Variants in ADGRE5 observed in about 807,000 individuals in gnomAD.
The protein encoded by ADGRE5 is CD97 molecule.
In ADGRE5, 72 loss-of-function variants were observed where a neutral mutation model predicts 100.3. The ratio of observed to expected loss-of-function variants is 0.72; its 90% CI spans 0.59 to 0.87. The LOEUF (loss-of-function observed/expected upper bound fraction) is 0.87. Among genes scored for constraint, ADGRE5 ranks in the 40% least tolerant of loss-of-function variants. The pLI is 0.00. For missense variants in ADGRE5, 959 were observed against 1,094.7 expected, an observed-to-expected ratio of 0.88 and a Z score of 1.75; for synonymous variants, 439 against 447.8, an observed-to-expected ratio of 0.98 and a Z score of 0.25.
chr19:14,397,255 C>T (rs935520236), intron 6 of ADGRE5, 32 bp downstream of exon 6: 1 of 1,613,816 alleles, frequency 6.2e-7, no homozygotes, highest in East Asian at 2.2e-5. Context: ...TTTCTAGCGA[C>T]CCACAAACAT....
In ADGRE5 at chr19:14,406,636, G is replaced by C; in HGVS notation, c.2049-64G>C. On this transcript the variant is annotated intron_variant, in intron 15 of 19. Coordinates refer to ENST00000242786, the MANE Select transcript of ADGRE5 (RefSeq NM_078481.4). The surrounding 1 kb of genome is among the most constrained non-coding windows in gnomAD (Gnocchi z 6.0). Reference sequence around the variant, plus strand: ...ACAGGCAGTGCCACACACAATGTCCGGCCGCCCTCCGTTCCGCTCCTGGCT... The same window carrying C: ...ACAGGCAGTGCCACACACAATGTCCCGCCGCCCTCCGTTCCGCTCCTGGCT... 6.2e-7 allele frequency: 1 copy of C among 1,603,654 alleles called. No homozygotes were observed.
chr19:14,406,249 G>A lies in ADGRE5; in HGVS notation c.1822-82G>A. The stretch of plus-strand genomic sequence containing the variant: ...CCGGCTGTGGTCCCGCCCACTCTCG[G>A]GACCTGGCAGGCGACTGGCTCTGGC... On this transcript the variant is annotated intron_variant, in intron 14 of 19. Coordinates refer to ENST00000242786, the MANE Select transcript of ADGRE5 (RefSeq NM_078481.4). This position sits in a 1 kb window ranked among gnomAD's most constrained non-coding sequence, Gnocchi z 6.0. The A allele has an allele frequency of 8.7e-7, 1 of 1,148,272 alleles. No individual in the cohort carries two copies. The allele number at this position is 1,148,272 out of a possible 1,614,324, so 71.1% of individuals were successfully genotyped here. A position where few individuals can be genotyped will look rare whatever the true frequency, so the allele number is the denominator to read the frequency against.
intron 4 of ADGRE5, among the ~76,000 whole-genome samples, chr19:14,395,301 C>CAA (rs5827226): frequency 5.2e-5 from 7 of 135,668 alleles, no homozygotes; most frequent in Non-Finnish European, 6.3e-5. Context: ...ACGCTGTCTC[C>CAA]AAAAAAAAAA....
chr19:14,405,065 A>G (rs113047204), intron 13 of ADGRE5: 6,574 of 158,460 alleles, frequency 0.041, 482 homozygotes, highest in African/African-American at 0.15. Context: ...GGCTAGTCTC[A>G]AACTCCTGAC....
intron 18 of ADGRE5, among the ~76,000 whole-genome samples, 186 bp from the exon 19 acceptor site, chr19:14,407,722 G>T (rs1976329726): frequency 6.6e-6 from 1 of 151,854 alleles, no homozygotes; most frequent in South Asian, 2.1e-4. Flanking sequence ...TTGGGCCCAG[G>T]AGTTCAAGGT....
chr19:14,384,928 G>C (rs1349888146), intron 1 of ADGRE5, among the ~76,000 whole-genome samples: 2 of 138,182 alleles, frequency 1.4e-5, no homozygotes, highest in Admixed American at 7.3e-5. Context: ...CTCTGTCTCC[G>C]TCTCTGTCCC....
At chr19:14,404,110 C>T (rs984453216) in intron 12 of ADGRE5, among the ~76,000 whole-genome samples, 1 of 152,012 alleles carries the variant, frequency 6.6e-6, no homozygotes, top group Non-Finnish European at 1.5e-5. Context: ...AACTCCTGAC[C>T]TCAGGTGATC....
intron 4 of ADGRE5, among the ~76,000 whole-genome samples, chr19:14,395,501 T>C (rs542642538): frequency 2.0e-5 from 3 of 152,162 alleles, no homozygotes; most frequent in East Asian, 1.9e-4. Context: ...CACAGGTCTC[T>C]GTCCCTGGTG....
At chr19:14,398,654 G>A (rs866997924) in intron 9 of ADGRE5, among the ~76,000 whole-genome samples, 1 of 127,404 alleles carries the variant, frequency 7.8e-6, no homozygotes, top group Non-Finnish European at 1.6e-5. Flanking sequence ...CAGCCTGGGC[G>A]ACAGAGCCAG....
chr19:14,402,610 G>A lies in ADGRE5; in HGVS notation c.1197G>A (p.Ala399=), dbSNP rs538015012. The A allele has an allele frequency of 4.5e-5, 73 of 1,613,914 alleles. 1 individual carries two copies. Among genetic ancestry groups the A allele is most frequent in the South Asian group, 3.2e-4 (29 of 91,080 alleles). The stretch of plus-strand genomic sequence containing the variant: ...TCTGTTCCCCAGGCCCCGCCGTGGC[G>A]GGCATCCTCTCCATCCAGAACATGA... ...AGAEDPGPAV[A]GILSIQNMTT... The change falls in exon 12 of 20, where the codon GCG becomes GCA. Residue 399 remains alanine (A), a synonymous_variant. Coordinates refer to ENST00000242786, the MANE Select transcript of ADGRE5 (RefSeq NM_078481.4).
intron 6 of ADGRE5, 66 bp from the exon 7 acceptor site, chr19:14,397,592 C>T (rs1009828740): frequency 1.9e-5 from 31 of 1,606,456 alleles, no homozygotes; most frequent in Non-Finnish European, 2.5e-5. Context: ...GAGCTGGGGG[C>T]ACAGACAGGA....
In ADGRE5 at chr19:14,390,623, C is replaced by T. The variant is rs10425197; in HGVS notation, c.191-301C>T. ...ACAGGCGTGAGCCACTGCACCCGGC[C>T]GCCATGGGGTTTAAATTTCTACAAA... On this transcript the variant is annotated intron_variant, in intron 3 of 19. Transcript: ENST00000242786. Among the ~76,000 whole-genome samples, 907 of 152,180 alleles carry T rather than the reference C, an allele frequency of 6.0e-3. 10 individuals carry two copies. The highest frequency in any genetic ancestry group is 0.02 in the African/African-American group (841 of 41,540).
Position 14,406,522 on chromosome 19 carries a change from T to A in ADGRE5, c.2013T>A (p.Ala671=), listed in dbSNP as rs1976247446. 1.3e-6 allele frequency: 2 copies of A among 1,572,558 alleles called. No individual in the cohort carries two copies. The part of the protein sequence containing the change: ...GVPLLIVGVS[A]AIYSKGYGRP... ...CCCTGCTCATCGTGGGCGTCTCGGC[T>A]GCCATCTACAGCAAGGGCTACGGCC... Residue 671 remains alanine, a synonymous_variant, in exon 15 of 20, where the codon GCT becomes GCA. Coordinates refer to ENST00000242786, the MANE Select transcript of ADGRE5 (RefSeq NM_078481.4). This position sits in a 1 kb window ranked among gnomAD's most constrained non-coding sequence, Gnocchi z 6.0.
intron 1 of ADGRE5, among the ~76,000 whole-genome samples, chr19:14,385,787 C>A (rs1383175016): frequency 5.3e-5 from 7 of 131,026 alleles, no homozygotes. Flanking sequence ...TTTTTTTTTT[C>A]TGAGACGGAG....
chr19:14,403,038 TAATTA>T (rs1400329727), intron 12 of ADGRE5, among the ~76,000 whole-genome samples, 176 bp downstream of exon 12: 1 of 152,042 alleles, frequency 6.6e-6, no homozygotes, highest in Admixed American at 6.6e-5. Flanking sequence ...TTATTTAATT[TAATTA>T]ATTAATTTAT....
At position 14,408,175 on chromosome 19, in the gene ADGRE5, C is replaced by T. The variant is rs1322437656; in HGVS notation, c.*54C>T. 5.7e-6 allele frequency: 9 copies of T among 1,585,906 alleles called. No individual in the cohort carries two copies. The East Asian group carries it at 1.6e-4, about 28-fold the overall frequency. On this transcript the variant is annotated 3_prime_UTR_variant, in exon 20 of 20. Coordinates refer to ENST00000242786, the MANE Select transcript of ADGRE5 (RefSeq NM_078481.4). ...CTCCTGTGGCCACAGCAGCTTTGTA[C>T]ACGAAGACCATCCATCCTCCCTTCG...
intron 1 of ADGRE5, among the ~76,000 whole-genome samples, chr19:14,383,598 C>G (rs2146341891): frequency 6.6e-6 from 1 of 152,006 alleles, no homozygotes; most frequent in Non-Finnish European, 1.5e-5. Context: ...TAGGAGGAAG[C>G]CTAAAGAAGG....
Position 14,406,695 on chromosome 19 carries a change from C to T in ADGRE5, c.2049-5C>T. 1 of 1,614,136 alleles carries T rather than the reference C, an allele frequency of 6.2e-7. No homozygotes were observed. Among genetic ancestry groups the T allele is most frequent in the Non-Finnish European group, 8.5e-7 (1 of 1,180,012 alleles). On this transcript the variant is annotated splice_polypyrimidine_tract_variant and splice_region_variant and intron_variant, in intron 15 of 19. Coordinates refer to ENST00000242786, the MANE Select transcript of ADGRE5 (RefSeq NM_078481.4). This position sits in a 1 kb window ranked among gnomAD's most constrained non-coding sequence, Gnocchi z 6.0. ...CACTGATGGGACCCCTCCCTTCCCT[C>T]CTAGCTGCTGGTTGGACTTTGAGCA...
chr19:14,407,923 CG>C lies in ADGRE5; in HGVS notation c.2394del (p.Lys799SerfsTer5), dbSNP rs767177793. The C allele has an allele frequency of 9.9e-6, 16 of 1,614,028 alleles. No individual in the cohort carries two copies. The highest frequency in any genetic ancestry group is 2.7e-5 in the African/African-American group (2 of 75,046). On this transcript the variant is annotated frameshift_variant, in exon 19 of 20. Coordinates refer to ENST00000242786, the MANE Select transcript of ADGRE5 (RefSeq NM_078481.4). LOFTEE classifies it high-confidence loss of function. ...GGGCCGGCAGGTTCGGGAAGAATAC[CG>C]GAAGTGGGCCTGCCTAGTTGCTGGG... is the stretch of plus-strand genomic sequence containing the variant. Reference protein sequence around the residue: ...LLNKKVREEYRKWACLVAGGS... With the variant: ...LLNKKVREEYXKWACLVAGGS...
Sources: allele counts gnomAD v4.1 joint callset (sites outside exome capture counted in the v4.1 genomes callset), GRCh38; gene constraint gnomAD v4.1.1; non-coding constraint Gnocchi (gnomAD v3.1); transcripts MANE v1.5; gene names NCBI Gene and HGNC (gene_info 2026-07-23, HGNC 2026-07-21).